The following NMNAT1 variants were observed in gnomAD, a reference collection of about 807,000 sequenced individuals.
The protein encoded by NMNAT1 is nicotinamide nucleotide adenylyltransferase 1.
In NMNAT1, 11 loss-of-function variants were observed where a neutral mutation model predicts 16.7. The observed-to-expected ratio is 0.66, with a 90% CI of 0.41 to 1.09. The LOEUF is 1.09. NMNAT1 is among the 50% of genes least tolerant of loss of function. The pLI, the probability that NMNAT1 is intolerant of heterozygous loss-of-function variation, is 0.00. For missense variants in NMNAT1, 280 were observed against 332.3 expected (o/e 0.84, Z 1.22); for synonymous variants, 110 against 119.8 (o/e 0.92, Z 0.53).
intron 1 of NMNAT1, among the ~76,000 whole-genome samples, chr1:9,955,403 C>CAAAAA (rs71583829): frequency 5.0e-4 from 45 of 90,476 alleles, no homozygotes; most frequent in Non-Finnish European, 6.5e-4. Context: ...GACTTTGTCT[C>CAAAAA]AAAAAAAAAA....
At chr1:9,959,305 G>A (rs185000045) in intron 1 of NMNAT1, among the ~76,000 whole-genome samples, 55 of 150,616 alleles carry the variant, frequency 3.7e-4, no homozygotes, top group Admixed American at 1.7e-3. Context: ...CCGGGAGGCA[G>A]AGGTTGCAGT....
intron 1 of NMNAT1, among the ~76,000 whole-genome samples, chr1:9,959,324 A>G (rs1431814836): frequency 6.8e-6 from 1 of 147,408 alleles, no homozygotes. Context: ...GTGAGCTGAG[A>G]TCGTGCCATT....
chr1:9,979,510 T>G (rs1641888477), intron 3 of NMNAT1, among the ~76,000 whole-genome samples: 1 of 151,502 alleles, frequency 6.6e-6, no homozygotes, highest in Admixed American at 6.6e-5. Context: ...TCAATCAAAT[T>G]GTTATTGAGG....
At chr1:9,951,870 C>A (rs1019341826) in intron 1 of NMNAT1, among the ~76,000 whole-genome samples, 9 of 152,174 alleles carry the variant, frequency 5.9e-5, no homozygotes, top group Non-Finnish European at 1.5e-5. Flanking sequence ...AATTTTTAAA[C>A]TTTCCCCAGT....
chr1:9,962,456 T>C lies in NMNAT1; in HGVS notation c.-56-9562T>C, dbSNP rs867382211. Among the ~76,000 whole-genome samples, 10 of 144,020 alleles carry C rather than the reference T, an allele frequency of 6.9e-5. No homozygotes were observed. The South Asian group carries it at 2.0e-3, about 29-fold the overall frequency. The allele number at this position is 144,020 out of a possible 152,430, so 94.5% of individuals were successfully genotyped here. A position where few individuals can be genotyped will look rare whatever the true frequency, so the allele number is the denominator to read the frequency against. On this transcript the variant is annotated intron_variant, in intron 1 of 4. Transcript: ENST00000377205. ...GAGATCGCGCCACTGCACTCCAGCCTGGGCGACAGAGCGAGACTCCGTCTG... is the reference window on the plus strand; with the variant it reads ...GAGATCGCGCCACTGCACTCCAGCCCGGGCGACAGAGCGAGACTCCGTCTG...
At chr1:9,967,402 A>G (rs1641572959) in intron 1 of NMNAT1, 1 of 154,006 alleles carries the variant, frequency 6.5e-6, no homozygotes, top group Non-Finnish European at 1.5e-5. Context: ...AAGTAGTTTC[A>G]TGATAAAGGG....
intron 1 of NMNAT1, among the ~76,000 whole-genome samples, chr1:9,955,318 C>A (rs572181213): frequency 2.7e-5 from 4 of 148,102 alleles, no homozygotes; most frequent in Non-Finnish European, 6.0e-5. Context: ...GCAGGAGAAT[C>A]GCTTGAACCC....
At chr1:9,971,946 G>T in intron 1 of NMNAT1, 72 bp from the exon 2 acceptor site, 1 of 662,452 alleles carries the variant, frequency 1.5e-6, no homozygotes, top group Non-Finnish European at 2.8e-6. Flanking sequence ...CTCTAGCCAG[G>T]GTGGCAGAGC....
chr1:9,972,140 A>G lies in NMNAT1; in HGVS notation c.67A>G (p.Met23Val), dbSNP rs538399851. 4 of 1,612,968 alleles carry G rather than the reference A, an allele frequency of 2.5e-6. No individual in the cohort carries two copies. Among genetic ancestry groups the G allele is most frequent in the South Asian group, 2.2e-5 (2 of 91,052 alleles). Residue 23 changes from methionine (M) to valine (V), a missense_variant, in exon 2 of 5, where the codon ATG becomes GTG. Met to Val is a conservative substitution (Grantham distance 21, BLOSUM62 1). Coordinates refer to ENST00000377205, the MANE Select transcript of NMNAT1 (RefSeq NM_022787.4). ...TGGTTCATTCAATCCCATCACCAACATGCACCTCAGGTTGTTTGAGCTGGC... is the reference window on the plus strand; with the variant it reads ...TGGTTCATTCAATCCCATCACCAACGTGCACCTCAGGTTGTTTGAGCTGGC... Reference protein sequence around the residue: ...ACGSFNPITNMHLRLFELAKD... With the variant: ...ACGSFNPITNVHLRLFELAKD...
intron 1 of NMNAT1, among the ~76,000 whole-genome samples, chr1:9,943,972 T>G (rs1640894835): frequency 6.6e-6 from 1 of 151,960 alleles, no homozygotes; most frequent in Admixed American, 6.6e-5. Flanking sequence ...AAGTTACCCT[T>G]GGACGGGCGC....
chr1:9,972,019 C>G lies in NMNAT1; in HGVS notation c.-55C>G. 1.1e-6 allele frequency: 1 copy of G among 905,358 alleles called. No individual in the cohort carries two copies. Among genetic ancestry groups the G allele is most frequent in the Non-Finnish European group, 1.8e-6 (1 of 540,844 alleles). 56.1% of individuals were successfully genotyped at this position (905,358 alleles called of 1,614,324 possible). A position where few individuals can be genotyped will look rare whatever the true frequency, so the allele number is the denominator to read the frequency against. ...ATTTATTTTCTTTTTCCTTTGTAGA[C>G]AACAAGGGAGGTGTCACAGTTTTCC... On this transcript the variant is annotated splice_region_variant and 5_prime_UTR_variant, in exon 2 of 5. Coordinates refer to ENST00000377205, the MANE Select transcript of NMNAT1 (RefSeq NM_022787.4).
At chr1:9,962,090 A>G (rs1034202808) in intron 1 of NMNAT1, among the ~76,000 whole-genome samples, 2 of 151,838 alleles carry the variant, frequency 1.3e-5, no homozygotes, top group African/African-American at 4.8e-5. Flanking sequence ...TCTTACTTCC[A>G]TTTCCACTGA....
Position 9,961,841 on chromosome 1 carries a change from G to C in NMNAT1, c.-56-10177G>C, listed in dbSNP as rs183042104. On this transcript the variant is annotated intron_variant, in intron 1 of 4. Coordinates refer to ENST00000377205, the MANE Select transcript of NMNAT1 (RefSeq NM_022787.4). Reference sequence around the variant, plus strand: ...GGTTGGAGTGCAATGGCATGATCTCGGCTCGCCGCAACCTCCACCTCCCAG... The same window carrying C: ...GGTTGGAGTGCAATGGCATGATCTCCGCTCGCCGCAACCTCCACCTCCCAG... Among the ~76,000 whole-genome samples, 469 of 152,002 alleles carry C rather than the reference G, an allele frequency of 3.1e-3. 2 individuals carry two copies. Among genetic ancestry groups the C allele is most frequent in the Non-Finnish European group, 4.9e-3 (332 of 67,966 alleles).
chr1:9,985,179 A>T lies in NMNAT1; in HGVS notation c.*2478A>T, dbSNP rs397832540. ...TCACCACGGCATCCACTCAGCTGTG[A>T]GGCTGCGTACACAGTCTCCACCTCT... On this transcript the variant is annotated 3_prime_UTR_variant, in exon 5 of 5. Coordinates refer to ENST00000377205, the MANE Select transcript of NMNAT1 (RefSeq NM_022787.4). 4 of 152,166 alleles carry T rather than the reference A, an allele frequency of 2.6e-5. No individual in the cohort carries two copies. The highest frequency in any genetic ancestry group is 4.4e-5 in the Non-Finnish European group (3 of 68,050). 9.4% of individuals were successfully genotyped at this position (152,166 alleles called of 1,614,324 possible).
At position 9,982,427 on chromosome 1, in the gene NMNAT1, C is replaced by A. The variant is rs772940145; in HGVS notation, c.566C>A (p.Ala189Asp). The A allele has an allele frequency of 2.5e-6, 4 of 1,613,962 alleles. No individual in the cohort carries two copies. The highest frequency in any genetic ancestry group is 3.4e-6 in the Non-Finnish European group (4 of 1,180,026). ...TATGGGCTCATATGTGTTACTCGGG[C>A]TGGAAATGATGCTCAGAAGTTTATC... is the stretch of plus-strand genomic sequence containing the variant. ...ANYGLICVTRAGNDAQKFIYE... is the reference protein window; with the variant it reads ...ANYGLICVTRDGNDAQKFIYE... The change falls in exon 5 of 5, where the codon GCT becomes GAT. Residue 189 changes from alanine (A) to aspartate (D), a missense_variant. By Grantham distance (126) the Ala-to-Asp change is moderately radical. Transcript: ENST00000377205.
At chr1:9,979,719 G>A (rs1001324255) in intron 3 of NMNAT1, among the ~76,000 whole-genome samples, 2 of 150,742 alleles carry the variant, frequency 1.3e-5, no homozygotes, top group African/African-American at 4.9e-5. Flanking sequence ...GGAGAATGGC[G>A]TGAACCTAGG....
chr1:9,993,986 T>A, the NMNAT1 span, among the ~76,000 whole-genome samples: 1 of 152,220 alleles, frequency 6.6e-6, no homozygotes, highest in South Asian at 2.1e-4. Flanking sequence ...GGCAAGTTAG[T>A]TAACCTCTCT....
chr1:9,946,847 T>C (rs537753921), intron 1 of NMNAT1, among the ~76,000 whole-genome samples: 1 of 152,294 alleles, frequency 6.6e-6, no homozygotes, highest in Admixed American at 6.5e-5. Flanking sequence ...GGTGGCCATG[T>C]ACAAGACAGG....
chr1:9,993,822 T>A, the NMNAT1 span, among the ~76,000 whole-genome samples: 10 of 152,064 alleles, frequency 6.6e-5, no homozygotes, highest in African/African-American at 2.2e-4. Flanking sequence ...CTGGAAAAAA[T>A]TTTGTTCTTA....
Sources: allele counts gnomAD v4.1 joint callset (sites outside exome capture counted in the v4.1 genomes callset), GRCh38; gene constraint gnomAD v4.1.1; transcripts MANE v1.5; gene names NCBI Gene and HGNC (gene_info 2026-07-23, HGNC 2026-07-21).